TXNDC16: variants seen among roughly 807,000 people sequenced by gnomAD.
TXNDC16 encodes thioredoxin domain containing 16.
In TXNDC16, 74 loss-of-function variants were observed where a neutral mutation model predicts 85.6. The observed-to-expected ratio is 0.86, with a 90% CI of 0.72 to 1.05. TXNDC16 has a LOEUF of 1.05. TXNDC16 is among the 50% of genes least tolerant of loss of function. The pLI, the probability that TXNDC16 is intolerant of heterozygous loss-of-function variation, is 0.00. For synonymous variants in TXNDC16, 335 were observed against 326.5 expected, an observed-to-expected ratio of 1.03 and a Z score of -0.28; for missense variants, 959 against 947.0, an observed-to-expected ratio of 1.01 and a Z score of -0.17.
In TXNDC16 at chr14:52,528,518, G is replaced by A. The variant is rs574973664; in HGVS notation, c.392+8201C>T. ...AATCCCAGGAAATTTTGACTTGCCTGTTTACTGACTAATAAAATGTAAATG... is the reference window on the plus strand; with the variant it reads ...AATCCCAGGAAATTTTGACTTGCCTATTTACTGACTAATAAAATGTAAATG... On this transcript the variant is annotated intron_variant, in intron 6 of 20. Coordinates refer to ENST00000281741, the MANE Select transcript of TXNDC16 (RefSeq NM_020784.3). Among the ~76,000 whole-genome samples the A allele has an allele frequency of 2.0e-5, 3 of 151,648 alleles. No individual in the cohort carries two copies. In the East Asian group the frequency reaches 5.8e-4, roughly 29 times the overall value.
chr14:52,551,332 C>A (rs952419369), intron 1 of TXNDC16, among the ~76,000 whole-genome samples: 15 of 151,156 alleles, frequency 9.9e-5, no homozygotes, highest in Non-Finnish European at 5.9e-5. Context: ...AAAAAATCAG[C>A]CGGGCATGGT....
chr14:52,519,436 T>C (rs1393770525), intron 6 of TXNDC16, 143 bp from the exon 7 acceptor site: 2 of 616,506 alleles, frequency 3.2e-6, no homozygotes, highest in Non-Finnish European at 5.5e-6. Context: ...ATTTTAATAA[T>C]ACTAAATTAG....
intron 7 of TXNDC16, among the ~76,000 whole-genome samples, chr14:52,515,667 ATATGTGTGTGTG>A (rs901083101): frequency 9.3e-6 from 1 of 107,454 alleles, no homozygotes; most frequent in Non-Finnish European, 1.8e-5. Context: ...TATTTCATAC[ATATGTGTGTGTG>A]TGTGTGTGTG....
chr14:52,503,482 G>A (rs956680105), intron 9 of TXNDC16, among the ~76,000 whole-genome samples: 38 of 152,348 alleles, frequency 2.5e-4, no homozygotes, highest in Non-Finnish European at 4.3e-4. Context: ...TGGACCTCCA[G>A]CAAACTCCAA....
At chr14:52,497,366 A>C (rs2036556063) in intron 9 of TXNDC16, among the ~76,000 whole-genome samples, 1 of 152,230 alleles carries the variant, frequency 6.6e-6, no homozygotes, top group African/African-American at 2.4e-5. Flanking sequence ...GTCCAGGACC[A>C]GATAGCTTCA....
intron 1 of TXNDC16, among the ~76,000 whole-genome samples, chr14:52,545,207 G>C (rs1367598185): frequency 6.6e-6 from 1 of 152,060 alleles, no homozygotes; most frequent in Non-Finnish European, 1.5e-5. Flanking sequence ...TTGGACATCA[G>C]TGTTAACATA....
At chr14:52,547,701 T>C (rs1389673936) in intron 1 of TXNDC16, among the ~76,000 whole-genome samples, 1 of 152,174 alleles carries the variant, frequency 6.6e-6, no homozygotes, top group African/African-American at 2.4e-5. Flanking sequence ...AGCACTGCCT[T>C]ATGTGTTCAA....
chr14:52,432,478 C>G lies in TXNDC16; in HGVS notation c.2304G>C (p.Met768Ile), dbSNP rs1367019464. 5 of 1,614,020 alleles carry G rather than the reference C, an allele frequency of 3.1e-6. No homozygotes were observed. The Admixed American group carries it at 5.0e-5, about 16-fold the overall frequency. The change falls in exon 21 of 21, where the codon ATG becomes ATC. Residue 768 changes from methionine to isoleucine, a missense_variant. Coordinates refer to ENST00000281741, the MANE Select transcript of TXNDC16 (RefSeq NM_020784.3). Reference protein sequence around the residue: ...QRGTRKVPKCMKETDVQENDK... With the variant: ...QRGTRKVPKCIKETDVQENDK... ...CATTCTCCTGCACATCTGTTTCTTT[C>G]ATACACTTGGGAACTTTCCTAGTGC...
At chr14:52,458,757 C>G (rs1390694201) in intron 16 of TXNDC16, among the ~76,000 whole-genome samples, 2 of 152,148 alleles carry the variant, frequency 1.3e-5, no homozygotes, top group Non-Finnish European at 2.9e-5. Flanking sequence ...TCTGTTTCAG[C>G]TTCTTTTCAT....
intron 13 of TXNDC16, 33 bp from the exon 14 acceptor site, chr14:52,482,322 C>T: frequency 6.4e-7 from 1 of 1,552,294 alleles, no homozygotes; most frequent in Admixed American, 1.7e-5. Context: ...ACAGATATTA[C>T]ATGTATATCT....
intron 20 of TXNDC16, among the ~76,000 whole-genome samples, chr14:52,436,684 G>A (rs2035035259): frequency 6.6e-6 from 1 of 152,266 alleles, no homozygotes; most frequent in South Asian, 2.1e-4. Context: ...TGGGTTTGGT[G>A]TAATGATTGA....
intron 14 of TXNDC16, among the ~76,000 whole-genome samples, chr14:52,472,333 G>A (rs1238171620): frequency 6.6e-6 from 1 of 152,058 alleles, no homozygotes; most frequent in Non-Finnish European, 1.5e-5. Context: ...GAGTAGCTGG[G>A]ACGACAGGCA....
At chr14:52,521,270 G>A (rs934389639) in intron 6 of TXNDC16, among the ~76,000 whole-genome samples, 9 of 144,240 alleles carry the variant, frequency 6.2e-5, no homozygotes, top group South Asian at 2.2e-4. Flanking sequence ...GCACCCCCAC[G>A]CCTGGCTATT....
At chr14:52,508,896 G>A (rs539873265) in intron 9 of TXNDC16, among the ~76,000 whole-genome samples, 1 of 152,184 alleles carries the variant, frequency 6.6e-6, no homozygotes, top group South Asian at 2.1e-4. Flanking sequence ...CACACACCGG[G>A]GCCTGTTGTG....
At chr14:52,528,679 T>C (rs1029392474) in intron 6 of TXNDC16, among the ~76,000 whole-genome samples, 1 of 150,852 alleles carries the variant, frequency 6.6e-6, no homozygotes, top group Non-Finnish European at 1.5e-5. Context: ...AATAATATCC[T>C]TATTATAAGT....
At chr14:52,530,405 TA>T (rs371362389) in intron 6 of TXNDC16, among the ~76,000 whole-genome samples, 593 of 5,656 alleles carry the variant, frequency 0.1, 44 homozygotes, top group Middle Eastern at 0.5. Context: ...ATATAATATA[TA>T]ATTATTATAT....
chr14:52,536,364 T>C (rs2140221778), intron 6 of TXNDC16, among the ~76,000 whole-genome samples: 1 of 152,306 alleles, frequency 6.6e-6, no homozygotes, highest in Middle Eastern at 3.4e-3. Context: ...GTTTATAAGC[T>C]ACCCAGTTTC....
intron 9 of TXNDC16, among the ~76,000 whole-genome samples, chr14:52,508,946 C>G (rs1424509747): frequency 6.6e-6 from 1 of 152,046 alleles, no homozygotes; most frequent in South Asian, 2.1e-4. Context: ...AGGAGATATA[C>G]CTAATGTTAA....
intron 18 of TXNDC16, among the ~76,000 whole-genome samples, chr14:52,449,576 A>C (rs975228007): frequency 6.6e-6 from 1 of 152,166 alleles, no homozygotes; most frequent in Non-Finnish European, 1.5e-5. Flanking sequence ...CCTCAGATTT[A>C]ATCTGCACTA....
Sources: gnomAD v4.1 joint callset for allele counts (sites outside exome capture counted in the v4.1 genomes callset) on GRCh38, gnomAD v4.1.1 for gene constraint, MANE v1.5 for transcripts, NCBI Gene and HGNC (gene_info 2026-07-23, HGNC 2026-07-21) for gene names.